GRID2: variants seen among roughly 807,000 people sequenced by gnomAD.
GRID2 encodes glutamate ionotropic receptor delta type subunit 2.
In GRID2, 33 loss-of-function variants were observed where a neutral mutation model predicts 114.8. That is an observed-to-expected ratio of 0.29 (90% CI 0.22 to 0.38). The LOEUF (loss-of-function observed/expected upper bound fraction) is 0.38, where lower values mean the gene tolerates loss of function less well. GRID2 is among the 10% of genes least tolerant of loss of function. GRID2 has a pLI of 1.00. For missense variants in GRID2, 1,184 were observed against 1,257.7 expected, an observed-to-expected ratio of 0.94 and a Z score of 0.89; for synonymous variants, 505 against 449.9, an observed-to-expected ratio of 1.12 and a Z score of -1.55.
In GRID2 at chr4:92,410,877, C is replaced by A. The variant is rs1455214312; in HGVS notation, c.88+106133C>A. 3.2e-5 allele frequency among the ~76,000 whole-genome samples: 4 copies of A among 123,530 alleles called. No individual in the cohort carries two copies. In the East Asian group the frequency reaches 1.0e-3, roughly 31 times the overall value. 81.0% of individuals were successfully genotyped at this position (123,530 alleles called of 152,430 possible). On this transcript the variant is annotated intron_variant, in intron 1 of 15. Coordinates refer to ENST00000282020, the MANE Select transcript of GRID2 (RefSeq NM_001510.4). ...TTTTGCAAAGAAACACATGAATAGT[C>A]ACTCTCAGTGGAATAAGAAGAGATT...
intron 1 of GRID2, among the ~76,000 whole-genome samples, chr4:93,789,094 C>G (rs1734647277): frequency 6.6e-6 from 1 of 152,164 alleles, no homozygotes; most frequent in Non-Finnish European, 1.5e-5. Context: ...ATAGCTAAAA[C>G]ACATGAATAA....
intron 2 of GRID2, among the ~76,000 whole-genome samples, chr4:92,996,847 C>T (rs1162637696): frequency 6.6e-6 from 1 of 152,040 alleles, no homozygotes; most frequent in African/African-American, 2.4e-5. Flanking sequence ...ATGCATTATG[C>T]TTCTCCAGTT....
rs572326750 is a variant in GRID2, at chr4:92,436,507, C to T, written c.88+131763C>T. Among the ~76,000 whole-genome samples, 8 of 151,824 alleles carry T rather than the reference C, an allele frequency of 5.3e-5. No homozygotes were observed. In the South Asian group the frequency reaches 1.7e-3, roughly 32 times the overall value. On this transcript the variant is annotated intron_variant, in intron 1 of 15. Transcript: ENST00000282020. ...GCTACTACTATTTAAATTTTCTCAGCTTTTTTTTGGTTTGTTTACATTTTT... is the reference window on the plus strand; with the variant it reads ...GCTACTACTATTTAAATTTTCTCAGTTTTTTTTTGGTTTGTTTACATTTTT...
chr4:93,573,763 T>C lies in GRID2; in HGVS notation c.2194-52506T>C, dbSNP rs142613610. Among the ~76,000 whole-genome samples, 337 of 152,268 alleles carry C rather than the reference T, an allele frequency of 2.2e-3. 1 individual carries two copies. The highest frequency in any genetic ancestry group is 7.8e-3 in the African/African-American group (326 of 41,548). On this transcript the variant is annotated intron_variant, in intron 13 of 15. Coordinates refer to ENST00000282020, the MANE Select transcript of GRID2 (RefSeq NM_001510.4). ...TCCTTCTTAATAAAATCATGTTCTT[T>C]TGGGAGCTTTGCAACCTTCATGTAA...
intron 13 of GRID2, among the ~76,000 whole-genome samples, chr4:93,591,035 A>T (rs1738224042): frequency 6.6e-6 from 1 of 150,826 alleles, no homozygotes; most frequent in African/African-American, 2.4e-5. Context: ...TTCCTAATTG[A>T]ATACCCTTTA....
chr4:93,591,745 G>T (rs1188848904), intron 13 of GRID2, among the ~76,000 whole-genome samples: 1 of 152,142 alleles, frequency 6.6e-6, no homozygotes, highest in East Asian at 1.9e-4. Flanking sequence ...CCTGTTATTG[G>T]TGTATTCAGA....
At chr4:92,921,222 G>A (rs1749303025) in intron 2 of GRID2, among the ~76,000 whole-genome samples, 1 of 151,996 alleles carries the variant, frequency 6.6e-6, no homozygotes, top group Non-Finnish European at 1.5e-5. Context: ...GGACTTCTCT[G>A]CATTGGTTAT....
At position 93,371,640 on chromosome 4, in the gene GRID2, GA is replaced by G. The variant is rs563317095; in HGVS notation, c.1246-23962del. On this transcript the variant is annotated intron_variant, in intron 8 of 15. Coordinates refer to ENST00000282020, the MANE Select transcript of GRID2 (RefSeq NM_001510.4). ...AAAATAATGTTACAATTCAAACTAG[GA>G]AAAATAAATTATATATTTTTAAGAG... Among the ~76,000 whole-genome samples the G allele has an allele frequency of 4.6e-5, 7 of 150,540 alleles. No individual in the cohort carries two copies. In the East Asian group the frequency reaches 1.4e-3, roughly 29 times the overall value.
At chr4:93,598,728 C>A (rs1054063232) in intron 13 of GRID2, among the ~76,000 whole-genome samples, 2 of 152,106 alleles carry the variant, frequency 1.3e-5, no homozygotes, top group Non-Finnish European at 2.9e-5. Context: ...CCTCTAGATG[C>A]AAACTAAAAC....
chr4:93,554,414 CT>C (rs1410976174), intron 13 of GRID2, among the ~76,000 whole-genome samples: 1 of 149,346 alleles, frequency 6.7e-6, no homozygotes, highest in African/African-American at 2.5e-5. Context: ...CCATTTATCT[CT>C]TTTTTCTGCA....
chr4:93,622,308 A>G (rs542320558), intron 13 of GRID2, among the ~76,000 whole-genome samples: 62 of 152,224 alleles, frequency 4.1e-4, no homozygotes, highest in Non-Finnish European at 7.6e-4. Flanking sequence ...TCCTAGTTTT[A>G]TAATTATATC....
chr4:93,580,928 AT>A (rs1736919001), intron 13 of GRID2, among the ~76,000 whole-genome samples: 1 of 150,942 alleles, frequency 6.6e-6, no homozygotes. Context: ...AGATTACAGT[AT>A]TTGCAAATTG....
chr4:93,653,123 A>C (rs575065940), intron 14 of GRID2, among the ~76,000 whole-genome samples: 1 of 152,298 alleles, frequency 6.6e-6, no homozygotes, highest in East Asian at 1.9e-4. Context: ...CAGAAATTTA[A>C]TCTAGATGAG....
At chr4:92,481,117 T>C (rs1722567226) in intron 1 of GRID2, among the ~76,000 whole-genome samples, 1 of 152,146 alleles carries the variant, frequency 6.6e-6, no homozygotes, top group South Asian at 2.1e-4. Flanking sequence ...GACGTAAACA[T>C]GGTAAGCCAG....
intron 2 of GRID2, among the ~76,000 whole-genome samples, chr4:92,802,067 A>G (rs1469171578): frequency 1.3e-5 from 2 of 151,874 alleles, no homozygotes; most frequent in Non-Finnish European, 2.9e-5. Flanking sequence ...AATTATGCCA[A>G]TGTTTTCATT....
intron 1 of GRID2, among the ~76,000 whole-genome samples, chr4:92,376,066 C>T (rs1406530952): frequency 6.6e-6 from 1 of 151,490 alleles, no homozygotes. Context: ...TTGGATTAGC[C>T]CTTCATGAAA....
intron 2 of GRID2, among the ~76,000 whole-genome samples, chr4:93,051,152 G>A (rs1160707168): frequency 1.3e-5 from 2 of 151,866 alleles, no homozygotes; most frequent in Admixed American, 6.6e-5. Flanking sequence ...TAGTATGATC[G>A]GAGCCCAAAA....
intron 2 of GRID2, among the ~76,000 whole-genome samples, chr4:92,782,978 C>A (rs972178641): frequency 6.6e-6 from 1 of 151,952 alleles, no homozygotes; most frequent in African/African-American, 2.4e-5. Flanking sequence ...TTCTAAGGTA[C>A]TTTGAAAGCA....
chr4:93,608,581 A>G (rs190405126), intron 13 of GRID2, among the ~76,000 whole-genome samples: 480 of 143,264 alleles, frequency 3.4e-3, no homozygotes, highest in African/African-American at 0.011. Context: ...TTGTTCTTGC[A>G]ATAGTTTACT....
Sources: allele counts gnomAD v4.1 joint callset (sites outside exome capture counted in the v4.1 genomes callset), GRCh38; gene constraint gnomAD v4.1.1; transcripts MANE v1.5; gene names NCBI Gene and HGNC (gene_info 2026-07-23, HGNC 2026-07-21).